The following CAPS2 variants were observed in gnomAD, a reference collection of about 807,000 sequenced individuals.
The protein encoded by CAPS2 is calcyphosine 2, also known as calcyphosin-2.
Under a neutral mutation model 86.5 loss-of-function variants are expected in CAPS2, and 98 were observed. The observed-to-expected ratio is 1.13, with a 90% confidence interval of 0.96 to 1.34. The LOEUF (loss-of-function observed/expected upper bound fraction) is 1.34, where lower values mean the gene tolerates loss of function less well. Ranked by LOEUF, CAPS2 falls within the 40% of genes most tolerant of loss-of-function variation. The pLI is 0.00. For synonymous variants in CAPS2, 210 were observed against 225.1 expected, an observed-to-expected ratio of 0.93 and a Z score of 0.60; for missense variants, 729 against 686.8, an observed-to-expected ratio of 1.06 and a Z score of -0.69.
At chr12:75,327,383 A>C (rs1340896349), upstream of CAPS2, among the ~76,000 whole-genome samples, 1 of 152,214 alleles carries the variant, frequency 6.6e-6, no homozygotes, top group Non-Finnish European at 1.5e-5. Flanking sequence ...AAAAATGCTA[A>C]CAAAAGGATA....
chr12:75,385,263 T>C (rs1472660299), intron 1 of CAPS2, among the ~76,000 whole-genome samples: 1 of 152,130 alleles, frequency 6.6e-6, no homozygotes, highest in African/African-American at 2.4e-5. Flanking sequence ...CATCAGAAAA[T>C]GAACTAAGAC....
Position 75,291,567 on chromosome 12 carries a change from GTATATATATATATATATATATA to G in CAPS2, c.1240+155_1240+176del, listed in dbSNP as rs66622366. ...ATATATATATAGCTTATTTTTAAAA[GTATATATATATATATATATATA>G]TATATATATATATATATATATATTC... On this transcript the variant is annotated intron_variant, in intron 13 of 16. Coordinates refer to ENST00000393284, the Ensembl canonical transcript of CAPS2. Among the ~76,000 whole-genome samples, 118 of 27,712 alleles carry G rather than the reference GTATATATATATATATATATATA, an allele frequency of 4.3e-3. 1 individual carries two copies. Among genetic ancestry groups the G allele is most frequent in the South Asian group, 0.02 (14 of 704 alleles). The allele number at this position is 27,712 out of a possible 152,430, so 18.2% of individuals were successfully genotyped here.
chr12:75,342,296 T>TAAA (rs2042173257), intron 1 of CAPS2, among the ~76,000 whole-genome samples: 1 of 152,348 alleles, frequency 6.6e-6, no homozygotes, highest in South Asian at 2.1e-4. Context: ...TTGAAATCTT[T>TAAA]AAAAGGTCTG....
intron 1 of CAPS2, among the ~76,000 whole-genome samples, chr12:75,376,934 A>G (rs1381340661): frequency 2.0e-5 from 3 of 152,100 alleles, no homozygotes; most frequent in Non-Finnish European, 4.4e-5. Flanking sequence ...AGAATCCCTG[A>G]GCTCATCATT....
At chr12:75,322,566 G>A (rs2040403523) in intron 4 of CAPS2, among the ~76,000 whole-genome samples, 1 of 152,112 alleles carries the variant, frequency 6.6e-6, no homozygotes, top group African/African-American at 2.4e-5. Context: ...TTCAAATTGT[G>A]AGCAAAACAC....
upstream of CAPS2, among the ~76,000 whole-genome samples, chr12:75,332,253 A>G (rs1049150597): frequency 1.3e-5 from 2 of 152,194 alleles, no homozygotes; most frequent in African/African-American, 4.8e-5. Flanking sequence ...GCTATCTGTT[A>G]ACCTTTATCC....
chr12:75,286,292 T>G (rs2034853585), intron 14 of CAPS2, among the ~76,000 whole-genome samples: 2 of 152,040 alleles, frequency 1.3e-5, no homozygotes, highest in Admixed American at 1.3e-4. Context: ...CATAATGTAC[T>G]GCACATTATG....
chr12:75,289,546 T>C, intron 14 of CAPS2, 75 bp downstream of exon 14: 1 of 1,328,822 alleles, frequency 7.5e-7, no homozygotes, highest in South Asian at 1.5e-5. Flanking sequence ...AAAACTAAAA[T>C]TTCAGTAGAA....
intron 7 of CAPS2, among the ~76,000 whole-genome samples, chr12:75,305,162 G>T (rs553024503): frequency 6.6e-6 from 1 of 152,270 alleles, no homozygotes; most frequent in South Asian, 2.1e-4. Context: ...CACAGTGCTG[G>T]TTTCTGATCA....
chr12:75,321,335 G>T, intron 5 of CAPS2, 65 bp downstream of exon 5: 1 of 1,021,832 alleles, frequency 9.8e-7, no homozygotes, highest in African/African-American at 1.6e-5. Context: ...CACAAAAAGA[G>T]ATTTCTGTAA....
intron 1 of CAPS2, among the ~76,000 whole-genome samples, chr12:75,372,473 C>A (rs554873714): frequency 6.6e-6 from 1 of 152,106 alleles, no homozygotes; most frequent in African/African-American, 2.4e-5. Context: ...AGCATTTCTC[C>A]CTCTGGAACT....
rs1022642997 is a variant in CAPS2 at position 75,310,164 on chromosome 12, G to A, written c.659+2684C>T. On this transcript the variant is annotated intron_variant, in intron 7 of 16. Transcript: ENST00000393284. ...ATGAAGCTCACATTCTGAAGAGGCTGAAAGATAATTAACATGATAAACAGA... is the reference window on the plus strand; with the variant it reads ...ATGAAGCTCACATTCTGAAGAGGCTAAAAGATAATTAACATGATAAACAGA... Among the ~76,000 whole-genome samples, 124 of 152,166 alleles carry A rather than the reference G, an allele frequency of 8.1e-4. 1 individual carries two copies. Among genetic ancestry groups the A allele is most frequent in the African/African-American group, 2.9e-3 (119 of 41,516 alleles).
At chr12:75,281,640 A>G (rs1310970466) in intron 16 of CAPS2, among the ~76,000 whole-genome samples, 3 of 152,084 alleles carry the variant, frequency 2.0e-5, no homozygotes, top group Admixed American at 6.5e-5. Flanking sequence ...AAATATATAT[A>G]TGCTAAATGA....
chr12:75,299,980 C>G, intron 8 of CAPS2, 69 bp from the exon 9 acceptor site: 2 of 596,972 alleles, frequency 3.4e-6, no homozygotes, highest in Non-Finnish European at 5.7e-6. Flanking sequence ...TGTAAATGTA[C>G]AAAAAAAGTT....
chr12:75,303,259 A>G (rs1359852875), intron 8 of CAPS2, among the ~76,000 whole-genome samples: 8 of 152,356 alleles, frequency 5.3e-5, no homozygotes, highest in Middle Eastern at 3.4e-3. Flanking sequence ...ACATTTCACT[A>G]TGTATATCAA....
At chr12:75,341,359 C>A (rs1448893452) in intron 1 of CAPS2, among the ~76,000 whole-genome samples, 1 of 152,204 alleles carries the variant, frequency 6.6e-6, no homozygotes, top group Non-Finnish European at 1.5e-5. Flanking sequence ...ATCCCCATGG[C>A]TCTCAAAGGC....
chr12:75,303,338 C>T (rs1357211113), intron 8 of CAPS2, among the ~76,000 whole-genome samples: 1 of 152,102 alleles, frequency 6.6e-6, no homozygotes, highest in African/African-American at 2.4e-5. Context: ...AAAAAACAAG[C>T]TGGACACAGA....
At chr12:75,384,410 C>T (rs1468517172) in intron 1 of CAPS2, among the ~76,000 whole-genome samples, 3 of 152,170 alleles carry the variant, frequency 2.0e-5, no homozygotes, top group Admixed American at 1.3e-4. Context: ...TCTAGATGAA[C>T]GGGCCACTTC....
chr12:75,385,486 A>C (rs2045243511), intron 1 of CAPS2, among the ~76,000 whole-genome samples: 1 of 152,178 alleles, frequency 6.6e-6, no homozygotes, highest in Non-Finnish European at 1.5e-5. Context: ...TTTACAAAAA[A>C]AAGCTATAGC....
Sources: gnomAD v4.1 joint callset for allele counts (sites outside exome capture counted in the v4.1 genomes callset) on GRCh38, gnomAD v4.1.1 for gene constraint, MANE v1.5 for transcripts, NCBI Gene and HGNC (gene_info 2026-07-23, HGNC 2026-07-21) for gene names.